ZNF675: variants seen among roughly 807,000 people sequenced by gnomAD.
ZNF675 encodes the protein zinc finger protein 675.
Under a neutral mutation model 56.1 loss-of-function variants are expected in ZNF675, and 36 were observed. That is an observed-to-expected ratio of 0.64 (90% CI 0.49 to 0.85). ZNF675 has a LOEUF of 0.85. Ranked by LOEUF, ZNF675 falls within the 40% of genes least tolerant of loss-of-function variation. The pLI, the probability that ZNF675 is intolerant of heterozygous loss-of-function variation, is 0.00. For missense variants in ZNF675, 663 were observed against 654.2 expected, an observed-to-expected ratio of 1.01 and a Z score of -0.15; for synonymous variants, 200 against 218.9, an observed-to-expected ratio of 0.91 and a Z score of 0.76.
At chr19:23,662,916 G>C (rs1470830498) in intron 2 of ZNF675, 116 bp downstream of exon 2, 1 of 921,184 alleles carries the variant, frequency 1.1e-6, no homozygotes, top group Non-Finnish European at 1.5e-6. Context: ...CCCAGGAGGC[G>C]GAGGTTGCAG....
intron 3 of ZNF675, chr19:23,657,254 C>T (rs770086560): frequency 6.6e-6 from 1 of 152,034 alleles, no homozygotes; most frequent in Non-Finnish European, 1.5e-5. Context: ...ATACACACTT[C>T]AATAGATTTT....
chr19:23,677,616 G>C (rs1018123336), intron 1 of ZNF675, among the ~76,000 whole-genome samples: 16 of 148,904 alleles, frequency 1.1e-4, no homozygotes, highest in Admixed American at 2.7e-4. Context: ...TGAGGCAGGA[G>C]AATTGCTTGA....
chr19:23,662,248 T>C lies in ZNF675; in HGVS notation c.131-39A>G, dbSNP rs1319460454. On this transcript the variant is annotated intron_variant, in intron 2 of 3. Transcript: ENST00000359788. ...AAATAAATAACATTAATTTTGCTCA[T>C]ATTCTCCAATTACCAACCTAGTAAT... 2.1e-6 allele frequency: 3 copies of C among 1,440,842 alleles called. No homozygotes were observed. In the African/African-American group the frequency reaches 4.2e-5, roughly 20 times the overall value. 89.3% of individuals were successfully genotyped at this position (1,440,842 alleles called of 1,614,324 possible). A position where few individuals can be genotyped will look rare whatever the true frequency, so the allele number is the denominator to read the frequency against.
At chr19:23,669,587 T>C (rs1373284607) in intron 1 of ZNF675, among the ~76,000 whole-genome samples, 3 of 152,106 alleles carry the variant, frequency 2.0e-5, no homozygotes. Flanking sequence ...AAAAAGCTCA[T>C]AGTAGTCCGG....
intron 3 of ZNF675, 142 bp downstream of exon 3, chr19:23,661,972 G>T: frequency 1.6e-6 from 1 of 642,156 alleles, no homozygotes; most frequent in Non-Finnish European, 2.8e-6. Flanking sequence ...TCAAATGTGA[G>T]AGCATAAAAT....
Position 23,653,710 on chromosome 19 carries a change from G to A in ZNF675, c.1223C>T (p.Ser408Phe), listed in dbSNP as rs752394659. ...CKECGKAFKH[S>F]SALTTHKRIH... is the part of the protein sequence containing the mutation. ...TCTCTTATGTGTAGTAAGGGCTGAG[G>A]AGTGTTTAAAAGCTTTGCCACATTC... Residue 408 changes from serine (S) to phenylalanine (F), a missense_variant, in exon 4 of 4, where the codon TCC (serine) becomes TTC (phenylalanine). Transcript: ENST00000359788. 34 of 1,613,556 alleles carry A rather than the reference G, an allele frequency of 2.1e-5. No homozygotes were observed. Among genetic ancestry groups the A allele is most frequent in the East Asian group, 1.3e-4 (6 of 44,836 alleles).
At chr19:23,668,209 A>C (rs1968180471) in intron 1 of ZNF675, among the ~76,000 whole-genome samples, 1 of 151,384 alleles carries the variant, frequency 6.6e-6, no homozygotes, top group South Asian at 2.1e-4. Flanking sequence ...GTGTATTTAC[A>C]ATCCCTGAGA....
intron 3 of ZNF675, chr19:23,654,931 T>C (rs1411927860): frequency 2.1e-5 from 8 of 379,512 alleles, no homozygotes; most frequent in Non-Finnish European, 3.3e-5. Context: ...CAATATAACA[T>C]AATGTTTTCA....
intron 1 of ZNF675, among the ~76,000 whole-genome samples, chr19:23,674,336 A>C (rs1968267800): frequency 6.6e-6 from 1 of 151,966 alleles, no homozygotes; most frequent in East Asian, 1.9e-4. Context: ...CATATAACCT[A>C]AATGCTTAAA....
At chr19:23,661,887 C>A (rs1470511913) in intron 3 of ZNF675, 1 of 411,740 alleles carries the variant, frequency 2.4e-6, no homozygotes, top group African/African-American at 2.1e-5. Context: ...TGGTTCTCAC[C>A]GAAAACTTAA....
chr19:23,653,078 G>A lies in ZNF675; in HGVS notation c.*148C>T. 2 of 758,534 alleles carry A rather than the reference G, an allele frequency of 2.6e-6. No individual in the cohort carries two copies. Among genetic ancestry groups the A allele is most frequent in the South Asian group, 2.3e-5 (1 of 42,694 alleles). The allele number at this position is 758,534 out of a possible 1,614,324, so 47.0% of individuals were successfully genotyped here. ...CAGTATTGCCAAATTCTTCACACTTGTAGTTTTCTCCAGTATGAATTATCT... is the reference window on the plus strand; with the variant it reads ...CAGTATTGCCAAATTCTTCACACTTATAGTTTTCTCCAGTATGAATTATCT... On this transcript the variant is annotated 3_prime_UTR_variant, in exon 4 of 4. Coordinates refer to ENST00000359788, the MANE Select transcript of ZNF675 (RefSeq NM_138330.3).
chr19:23,667,311 G>C (rs1221480626), intron 1 of ZNF675, among the ~76,000 whole-genome samples: 4 of 152,130 alleles, frequency 2.6e-5, no homozygotes, highest in Admixed American at 6.5e-5. Context: ...GCAGTAGCAA[G>C]ATTTATTGCA....
intron 1 of ZNF675, among the ~76,000 whole-genome samples, chr19:23,686,809 G>A (rs1968448501): frequency 1.3e-5 from 2 of 152,186 alleles, no homozygotes; most frequent in East Asian, 3.9e-4. Flanking sequence ...CTACAGGCCA[G>A]GGCACAGTCA....
intron 1 of ZNF675, among the ~76,000 whole-genome samples, chr19:23,664,635 T>G (rs1051468044): frequency 6.6e-6 from 1 of 152,202 alleles, no homozygotes; most frequent in Admixed American, 6.5e-5. Flanking sequence ...GGCCTCATGT[T>G]AGAGTCACAA....
Position 23,654,343 on chromosome 19 carries a change from A to G in ZNF675, c.590T>C (p.Val197Ala), listed in dbSNP as rs11671053. Residue 197 changes from valine (V) to alanine (A), a missense_variant, in exon 4 of 4, where the codon GTG becomes GCG. Physicochemically the swap from Val to Ala is moderately conservative, Grantham distance 64 (BLOSUM62 0). Coordinates refer to ENST00000359788, the MANE Select transcript of ZNF675 (RefSeq NM_138330.3). ...ACATTCTTCACATTTGCAGAAATTC[A>G]CCTTGGTATAATTTCTTTCATGTCG... ...LTRHERNYTKVNFCKCEECEK... is the reference protein window; with the variant it reads ...LTRHERNYTKANFCKCEECEK... 926,145 of 1,609,968 alleles carry G rather than the reference A, an allele frequency of 0.58. 277,360 individuals carry two copies. Among genetic ancestry groups the G allele is most frequent in the Non-Finnish European group, 0.63 (739,196 of 1,178,312 alleles).
intron 1 of ZNF675, among the ~76,000 whole-genome samples, chr19:23,677,706 C>CAA (rs34806137): frequency 2.5e-5 from 2 of 80,720 alleles, no homozygotes; most frequent in Admixed American, 1.3e-4. Flanking sequence ...GACTCCGTCT[C>CAA]AAAAAAAAAA....
chr19:23,670,971 A>C (rs1176956491), intron 1 of ZNF675, among the ~76,000 whole-genome samples: 5 of 152,104 alleles, frequency 3.3e-5, no homozygotes, highest in Admixed American at 6.5e-5. Context: ...TGAAACTACA[A>C]CACCACTGTA....
chr19:23,667,952 G>A (rs7257569), intron 1 of ZNF675, among the ~76,000 whole-genome samples: 69,100 of 141,858 alleles, frequency 0.49, 17,682 homozygotes, highest in Non-Finnish European at 0.61. Context: ...TAGACATAAA[G>A]GTTCTCCAAG....
chr19:23,665,647 C>T (rs967822999), intron 1 of ZNF675, among the ~76,000 whole-genome samples: 6 of 151,944 alleles, frequency 3.9e-5, no homozygotes, highest in Non-Finnish European at 8.8e-5. Flanking sequence ...AGGCGCCTGC[C>T]ACCACAAGCA....
Sources: gnomAD v4.1 joint callset for allele counts (sites outside exome capture counted in the v4.1 genomes callset) on GRCh38, gnomAD v4.1.1 for gene constraint, MANE v1.5 for transcripts, NCBI Gene and HGNC (gene_info 2026-07-23, HGNC 2026-07-21) for gene names.